CNTN1: variants seen among roughly 807,000 people sequenced by gnomAD.
The protein encoded by CNTN1 is contactin-1.
CNTN1 carries 38 observed loss-of-function variants against 126.4 expected under a neutral mutation model. The ratio of observed to expected loss-of-function variants is 0.30; its 90% CI spans 0.23 to 0.39. The LOEUF (loss-of-function observed/expected upper bound fraction) is 0.39, where lower values mean the gene tolerates loss of function less well. Among genes scored for constraint, CNTN1 ranks in the 10% least tolerant of loss-of-function variants. The pLI is 1.00. For synonymous variants in CNTN1, 413 were observed against 422.6 expected (o/e 0.98, Z 0.28); for missense variants, 1,009 against 1,248.4 (o/e 0.81, Z 2.89).
chr12:40,937,781 T>C (rs904038511), intron 11 of CNTN1, 94 bp downstream of exon 11: 1 of 797,318 alleles, frequency 1.3e-6, no homozygotes, highest in Non-Finnish European at 2.3e-6. Flanking sequence ...TACCCAGTAT[T>C]GTGTTAGGTG....
At chr12:40,946,954 T>A (rs1292359643) in intron 14 of CNTN1, among the ~76,000 whole-genome samples, 2 of 151,992 alleles carry the variant, frequency 1.3e-5, no homozygotes, top group Non-Finnish European at 2.9e-5. Flanking sequence ...AATGTCTTCT[T>A]TATATTTTTT....
chr12:41,028,831 A>T (rs943827782), intron 22 of CNTN1, among the ~76,000 whole-genome samples: 23 of 152,326 alleles, frequency 1.5e-4, no homozygotes, highest in African/African-American at 5.3e-4. Flanking sequence ...TAAAATTCAG[A>T]TGCTTAAGTC....
chr12:40,726,572 A>G (rs189526727), intron 1 of CNTN1, among the ~76,000 whole-genome samples: 175 of 152,316 alleles, frequency 1.1e-3, no homozygotes, highest in Non-Finnish European at 2.2e-3. Context: ...AACCACCACC[A>G]TGATCCGATT....
intron 17 of CNTN1, among the ~76,000 whole-genome samples, chr12:41,000,545 A>T (rs1272327597): frequency 3.3e-5 from 5 of 152,248 alleles, no homozygotes; most frequent in Non-Finnish European, 5.9e-5. Flanking sequence ...CAGTCATGTA[A>T]TCACAGTTGA....
At chr12:41,064,180 A>C (rs1950001280) in intron 23 of CNTN1, among the ~76,000 whole-genome samples, 1 of 152,048 alleles carries the variant, frequency 6.6e-6, no homozygotes, top group Non-Finnish European at 1.5e-5. Context: ...TCTCAAAAAA[A>C]AAAAAAAAAA....
intron 1 of CNTN1, among the ~76,000 whole-genome samples, chr12:40,769,547 T>G (rs935216146): frequency 3.3e-5 from 5 of 152,290 alleles, no homozygotes; most frequent in Middle Eastern, 3.4e-3. Flanking sequence ...CTAGTATGTT[T>G]CAATTAACCC....
chr12:40,859,275 A>C (rs193130522), intron 1 of CNTN1, among the ~76,000 whole-genome samples: 1 of 152,278 alleles, frequency 6.6e-6, no homozygotes, highest in Non-Finnish European at 1.5e-5. Context: ...AGGCGAGAAC[A>C]GAATTGAGAG....
rs55976072 is a variant in CNTN1 at position 40,933,624 on chromosome 12, T to G, written c.803+64T>G. ...AGTACCATTTTAGGAAATAAATAAT[T>G]GTTTAGCTATAAACATAAAGTAATT... On this transcript the variant is annotated intron_variant, in intron 8 of 23. Transcript: ENST00000551295. 0.031 allele frequency: 47,764 copies of G among 1,536,622 alleles called. 1,596 individuals carry two copies. Among genetic ancestry groups the G allele is most frequent in the African/African-American group, 0.17 (12,492 of 73,244 alleles).
At chr12:40,759,687 T>C (rs1054595779) in intron 1 of CNTN1, among the ~76,000 whole-genome samples, 9 of 151,924 alleles carry the variant, frequency 5.9e-5, no homozygotes, top group African/African-American at 2.2e-4. Flanking sequence ...CAGGCTGGTC[T>C]TGAACTCCTG....
intron 1 of CNTN1, among the ~76,000 whole-genome samples, chr12:40,895,122 T>C (rs1944363906): frequency 1.3e-5 from 2 of 152,220 alleles, no homozygotes; most frequent in African/African-American, 4.8e-5. Flanking sequence ...ATCAGTTATA[T>C]GGAAGCCTCT....
At chr12:40,928,593 TG>T (rs1400726144) in intron 6 of CNTN1, among the ~76,000 whole-genome samples, 1 of 152,108 alleles carries the variant, frequency 6.6e-6, no homozygotes, top group Non-Finnish European at 1.5e-5. Context: ...CATATGCTGC[TG>T]CTTCTATAAT....
intron 1 of CNTN1, among the ~76,000 whole-genome samples, chr12:40,846,455 A>G (rs1012399181): frequency 6.6e-6 from 1 of 152,122 alleles, no homozygotes; most frequent in Non-Finnish European, 1.5e-5. Flanking sequence ...ACAACAGCGA[A>G]ACTCCGTCTC....
chr12:40,798,393 G>T (rs1042279728), intron 1 of CNTN1, among the ~76,000 whole-genome samples: 2 of 151,900 alleles, frequency 1.3e-5, no homozygotes, highest in Non-Finnish European at 2.9e-5. Context: ...CCCAACTAAA[G>T]ACTTTTTTTC....
chr12:40,704,367 T>A (rs1941680141), intron 1 of CNTN1, among the ~76,000 whole-genome samples: 2 of 152,198 alleles, frequency 1.3e-5, no homozygotes, highest in Admixed American at 6.5e-5. Context: ...TATCTTTTAA[T>A]AAGATCTAGT....
intron 14 of CNTN1, 104 bp downstream of exon 14, chr12:40,944,274 A>T: frequency 8.9e-7 from 1 of 1,129,906 alleles, no homozygotes; most frequent in Non-Finnish European, 1.3e-6. Flanking sequence ...TTTGTTTTTC[A>T]TGAGACCAAA....
chr12:40,911,615 C>T (rs1187894809), intron 3 of CNTN1, among the ~76,000 whole-genome samples: 1 of 152,246 alleles, frequency 6.6e-6, no homozygotes, highest in African/African-American at 2.4e-5. Flanking sequence ...TAATGTCACA[C>T]ATTGTAAGTC....
intron 14 of CNTN1, among the ~76,000 whole-genome samples, chr12:40,953,844 G>A (rs1946772260): frequency 2.0e-5 from 3 of 152,008 alleles, no homozygotes; most frequent in South Asian, 2.1e-4. Context: ...ACAGCACCAT[G>A]TTTCAAAGAG....
chr12:40,893,385 G>A (rs1475644395), intron 1 of CNTN1, among the ~76,000 whole-genome samples: 1 of 151,956 alleles, frequency 6.6e-6, no homozygotes, highest in African/African-American at 2.4e-5. Flanking sequence ...AAAAATAAAA[G>A]AGGACAAATT....
intron 1 of CNTN1, among the ~76,000 whole-genome samples, chr12:40,773,988 C>T (rs549669167): frequency 1.1e-4 from 16 of 151,318 alleles, no homozygotes; most frequent in Non-Finnish European, 2.2e-4. Context: ...TTAAGCTCAA[C>T]GACGGAAAAG....
Sources: gnomAD v4.1 joint callset for allele counts (sites outside exome capture counted in the v4.1 genomes callset) on GRCh38, gnomAD v4.1.1 for gene constraint, MANE v1.5 for transcripts, NCBI Gene and HGNC (gene_info 2026-07-23, HGNC 2026-07-21) for gene names.